ENO4: variants seen among roughly 807,000 people sequenced by gnomAD.
The protein encoded by ENO4 is 2-phospho-D-glycerate hydro-lyase.
ENO4 carries 53 observed loss-of-function variants against 63.2 expected under a neutral mutation model. The observed-to-expected ratio is 0.84, with a 90% CI of 0.67 to 1.05. The LOEUF is 1.05. Ranked by LOEUF, ENO4 falls within the 50% of genes least tolerant of loss-of-function variation. ENO4 has a pLI of 0.00. For missense variants in ENO4, 719 were observed against 772.0 expected, an observed-to-expected ratio of 0.93 and a Z score of 0.81; for synonymous variants, 266 against 283.8, an observed-to-expected ratio of 0.94 and a Z score of 0.63.
intron 10 of ENO4, among the ~76,000 whole-genome samples, chr10:116,874,825 A>G (rs941538948): frequency 6.6e-6 from 1 of 151,984 alleles, no homozygotes; most frequent in Non-Finnish European, 1.5e-5. Context: ...GGCGTGCACC[A>G]CCACACCCAG....
Position 116,881,677 on chromosome 10 carries a change from CACACCCCAG to C in ENO4, c.*9_*17del, listed in dbSNP as rs1166870660. 5.3e-6 allele frequency: 8 copies of C among 1,500,048 alleles called. No homozygotes were observed. The highest frequency in any genetic ancestry group is 7.1e-6 in the Non-Finnish European group (8 of 1,121,286). The allele number at this position is 1,500,048 out of a possible 1,614,324, so 92.9% of individuals were successfully genotyped here. A position where few individuals can be genotyped will look rare whatever the true frequency, so the allele number is the denominator to read the frequency against. On this transcript the variant is annotated 3_prime_UTR_variant, in exon 14 of 14. Coordinates refer to ENST00000341276, the MANE Select transcript of ENO4 (RefSeq NM_001242699.2). ...GGAGCATCCTCTGGATAGGGCTGTACACACCCCAGGTTCCAGCCACACCATCAGTATTAG... is the reference window on the plus strand; with the variant it reads ...GGAGCATCCTCTGGATAGGGCTGTACGTTCCAGCCACACCATCAGTATTAG...
chr10:116,900,511 G>A (rs1847692558), intron 10 of ENO4: 1 of 1,504,004 alleles, frequency 6.6e-7, no homozygotes, highest in African/African-American at 1.4e-5. Flanking sequence ...AAAGGAGGAA[G>A]GAGTTGCAGT....
downstream of ENO4, chr10:116,886,571 G>A (rs768652780): frequency 2.5e-6 from 4 of 1,613,180 alleles, no homozygotes; most frequent in African/African-American, 5.3e-5. Flanking sequence ...GGAGGCCTAT[G>A]AGATGAAGAG....
At position 116,849,527 on chromosome 10, in the gene ENO4, A is replaced by T; in HGVS notation, c.-40A>T. 1 of 1,462,944 alleles carries T rather than the reference A, an allele frequency of 6.8e-7. No homozygotes were observed. Among genetic ancestry groups the T allele is most frequent in the Non-Finnish European group, 9.1e-7 (1 of 1,102,750 alleles). 90.6% of individuals were successfully genotyped at this position (1,462,944 alleles called of 1,614,324 possible). ...TAGCGACAGCAGGGACGCTCGTGGG[A>T]CCCCAGGCTAAACCCCGCTGTAGCC... On this transcript the variant is annotated 5_prime_UTR_variant, in exon 1 of 14. Coordinates refer to ENST00000341276, the MANE Select transcript of ENO4 (RefSeq NM_001242699.2).
chr10:116,911,286 TA>T (rs147043241), intron 10 of ENO4, among the ~76,000 whole-genome samples: 1 of 152,060 alleles, frequency 6.6e-6, no homozygotes, highest in East Asian at 1.9e-4. Flanking sequence ...ACTAGTAACA[TA>T]AAAAAAGGGC....
At chr10:116,890,539 A>G (rs1041031074) in intron 10 of ENO4, among the ~76,000 whole-genome samples, 1 of 152,258 alleles carries the variant, frequency 6.6e-6, no homozygotes, top group African/African-American at 2.4e-5. Context: ...ATTCATATAG[A>G]TATTTTTCAC....
chr10:116,911,300 C>T (rs564087706), intron 10 of ENO4, among the ~76,000 whole-genome samples: 1 of 152,276 alleles, frequency 6.6e-6, no homozygotes, highest in South Asian at 2.1e-4. Context: ...AAAAGGGCCT[C>T]TTATTTTATT....
At chr10:116,894,323 G>C (rs1438159024) in intron 10 of ENO4, among the ~76,000 whole-genome samples, 2 of 152,144 alleles carry the variant, frequency 1.3e-5, no homozygotes, top group South Asian at 2.1e-4. Context: ...TATTGAAATT[G>C]AAGTCTTATA....
Position 116,873,218 on chromosome 10 carries a change from A to G in ENO4, c.1216-858A>G, listed in dbSNP as rs1011574744. On this transcript the variant is annotated intron_variant, in intron 9 of 13. Transcript: ENST00000341276. ...GTTCTTGCTGCTTTTGAAGGTGAAA[A>G]AAGTATGAAATCCCTTCAGTTATGG... Among the ~76,000 whole-genome samples, 4 of 152,184 alleles carry G rather than the reference A, an allele frequency of 2.6e-5. No homozygotes were observed. In the East Asian group the frequency reaches 7.7e-4, roughly 29 times the overall value.
At chr10:116,850,864 A>G (rs559837499) in intron 1 of ENO4, among the ~76,000 whole-genome samples, 1 of 152,280 alleles carries the variant, frequency 6.6e-6, no homozygotes, top group East Asian at 1.9e-4. Context: ...CAAAGGACAT[A>G]GTGACAGAAG....
chr10:116,877,935 T>TA (rs1846883937), intron 11 of ENO4, among the ~76,000 whole-genome samples: 1 of 152,204 alleles, frequency 6.6e-6, no homozygotes. Context: ...CACCTGTCTT[T>TA]AAACATGCTG....
rs865932408 is a variant in ENO4, at chr10:116,872,789, C to T, written c.1216-1287C>T. ...TTTATGTCAAATTCAGGGGACATGACCAAATAGCATTCTGCTTTAACTGTG... is the reference window on the plus strand; with the variant it reads ...TTTATGTCAAATTCAGGGGACATGATCAAATAGCATTCTGCTTTAACTGTG... On this transcript the variant is annotated intron_variant, in intron 9 of 13. Transcript: ENST00000341276. 2.6e-5 allele frequency among the ~76,000 whole-genome samples: 4 copies of T among 152,200 alleles called. No homozygotes were observed. In the South Asian group the frequency reaches 6.2e-4, roughly 24 times the overall value.
intron 7 of ENO4, among the ~76,000 whole-genome samples, chr10:116,865,650 C>T (rs1322523042): frequency 6.6e-6 from 1 of 152,142 alleles, no homozygotes; most frequent in Non-Finnish European, 1.5e-5. Flanking sequence ...GCCCAGGGGA[C>T]ATTTGGCAAG....
intron 2 of ENO4, among the ~76,000 whole-genome samples, chr10:116,856,089 ATAGATGT>A (rs1328942181): frequency 6.6e-6 from 1 of 152,222 alleles, no homozygotes; most frequent in Non-Finnish European, 1.5e-5. Flanking sequence ...CTAGACATTT[ATAGATGT>A]TAGACTGACC....
At chr10:116,893,567 C>T (rs1847407283) in intron 10 of ENO4, among the ~76,000 whole-genome samples, 1 of 149,746 alleles carries the variant, frequency 6.7e-6, no homozygotes, top group Non-Finnish European at 1.5e-5. Context: ...CCCTGATAGG[C>T]ACTCATGTGC....
At chr10:116,893,576 G>GCACGCACACACACACACACACACACACA (rs1554905665) in intron 10 of ENO4, among the ~76,000 whole-genome samples, 33 of 123,594 alleles carry the variant, frequency 2.7e-4, no homozygotes, top group African/African-American at 9.5e-4. Context: ...GCACTCATGT[G>GCACGCACACACACACACACACACACACA]CACACACACA....
chr10:116,849,540 C>A lies in ENO4; in HGVS notation c.-27C>A. 2 of 1,494,496 alleles carry A rather than the reference C, an allele frequency of 1.3e-6. No individual in the cohort carries two copies. Among genetic ancestry groups the A allele is most frequent in the Non-Finnish European group, 1.8e-6 (2 of 1,118,886 alleles). 92.6% of individuals were successfully genotyped at this position (1,494,496 alleles called of 1,614,324 possible). On this transcript the variant is annotated 5_prime_UTR_variant, in exon 1 of 14. Transcript: ENST00000341276. ...GACGCTCGTGGGACCCCAGGCTAAA[C>A]CCCGCTGTAGCCTTAAATCTCCTAC... is the stretch of plus-strand genomic sequence containing the variant.
chr10:116,894,482 C>G (rs1244027024), intron 10 of ENO4, among the ~76,000 whole-genome samples: 1 of 152,044 alleles, frequency 6.6e-6, no homozygotes, highest in Non-Finnish European at 1.5e-5. Context: ...TGAGGGGACC[C>G]TGGGGTGAAG....
chr10:116,886,208 A>C, downstream of ENO4: 1 of 1,240,326 alleles, frequency 8.1e-7, no homozygotes, highest in Non-Finnish European at 1.1e-6. Flanking sequence ...TACTTACAAA[A>C]GTGACACCAG....
Sources: gnomAD v4.1 joint callset for allele counts (sites outside exome capture counted in the v4.1 genomes callset) on GRCh38, gnomAD v4.1.1 for gene constraint, MANE v1.5 for transcripts, NCBI Gene and HGNC (gene_info 2026-07-23, HGNC 2026-07-21) for gene names.